GLB1L: variants seen among roughly 807,000 people sequenced by gnomAD.
The protein encoded by GLB1L is beta-galactosidase-1-like protein.
In GLB1L, 58 loss-of-function variants were observed where a neutral mutation model predicts 75.7. That is an observed-to-expected ratio of 0.77 (90% CI 0.62 to 0.95). The LOEUF (loss-of-function observed/expected upper bound fraction) is 0.95. Among genes scored for constraint, GLB1L ranks in the 40% least tolerant of loss-of-function variants. GLB1L has a pLI of 0.00. For synonymous variants in GLB1L, 296 were observed against 303.0 expected (o/e 0.98, Z 0.24); for missense variants, 797 against 805.5 (o/e 0.99, Z 0.13).
chr2:219,237,062 G>A lies in GLB1L; in HGVS notation c.*10C>T, dbSNP rs750562470. The A allele has an allele frequency of 1.8e-5, 28 of 1,593,478 alleles. No individual in the cohort carries two copies. Among genetic ancestry groups the A allele is most frequent in the Middle Eastern group, 1.7e-4 (1 of 6,012 alleles). On this transcript the variant is annotated 3_prime_UTR_variant, in exon 17 of 17. Transcript: ENST00000295759. Reference sequence around the variant, plus strand: ...ATTACAGGCATGAGCCACCATGCCCGGCCTACCTTTCAGTGCCCACTTAAC... The same window carrying A: ...ATTACAGGCATGAGCCACCATGCCCAGCCTACCTTTCAGTGCCCACTTAAC...
In GLB1L at chr2:219,236,626, T is replaced by C; in HGVS notation, c.*446A>G. Reference sequence around the variant, plus strand: ...GGAGCTGGTACTGTCTCTGGAATTTTAATCACAATAAAGTTTGGCAAGGAA... The same window carrying C: ...GGAGCTGGTACTGTCTCTGGAATTTCAATCACAATAAAGTTTGGCAAGGAA... On this transcript the variant is annotated 3_prime_UTR_variant, in exon 17 of 17. Coordinates refer to ENST00000295759, the MANE Select transcript of GLB1L (RefSeq NM_001286423.2). 1 of 805,804 alleles carries C rather than the reference T, an allele frequency of 1.2e-6. No individual in the cohort carries two copies. Among genetic ancestry groups the C allele is most frequent in the Non-Finnish European group, 1.9e-6 (1 of 538,238 alleles). The allele number at this position is 805,804 out of a possible 1,614,324, so 49.9% of individuals were successfully genotyped here.
chr2:219,242,794 G>T lies in GLB1L; in HGVS notation c.364C>A (p.Pro122Thr). The change falls in exon 4 of 17, where the codon CCT becomes ACT. Residue 122 changes from proline (P) to threonine (T), a missense_variant. Physicochemically the swap from Pro to Thr is conservative, Grantham distance 38. Coordinates refer to ENST00000295759, the MANE Select transcript of GLB1L (RefSeq NM_001286423.2). ...ATCTCCCACTCTGCACAGATGTAAG[G>T]TCCTGGTCTCAGTATGACCAACAGG... ...ANLLVILRPG[P>T]YICAEWEMGG... 6.2e-7 allele frequency: 1 copy of T among 1,614,182 alleles called. No homozygotes were observed. Among genetic ancestry groups the T allele is most frequent in the Non-Finnish European group, 8.5e-7 (1 of 1,180,034 alleles).
At chr2:219,244,957 CA>C (rs1364827449) in intron 1 of GLB1L, among the ~76,000 whole-genome samples, 1 of 152,174 alleles carries the variant, frequency 6.6e-6, no homozygotes, top group Non-Finnish European at 1.5e-5. Context: ...TTACAGCTAC[CA>C]AAAGTAAGGA....
intron 3 of GLB1L, 112 bp from the exon 4 acceptor site, chr2:219,243,030 G>A: frequency 1.9e-6 from 3 of 1,548,532 alleles, no homozygotes; most frequent in South Asian, 2.4e-5. Context: ...GTCCTGGCCT[G>A]CCCTTTCCCA....
At chr2:219,238,950 A>G in intron 11 of GLB1L, 142 bp downstream of exon 11, 1 of 832,070 alleles carries the variant, frequency 1.2e-6, no homozygotes, top group Non-Finnish European at 2.0e-6. Context: ...ATTTGGTTGA[A>G]TGGGAAATGC....
Position 219,245,284 on chromosome 2 carries a change from C to T in GLB1L, c.-126G>A, listed in dbSNP as rs1183288641. The T allele has an allele frequency of 2.0e-5, 3 of 152,502 alleles. No homozygotes were observed. Among genetic ancestry groups the T allele is most frequent in the Non-Finnish European group, 2.9e-5 (2 of 68,236 alleles). The allele number at this position is 152,502 out of a possible 1,614,324, so 9.4% of individuals were successfully genotyped here. A position where few individuals can be genotyped will look rare whatever the true frequency, so the allele number is the denominator to read the frequency against. Reference sequence around the variant, plus strand: ...GCCTCGGGCCGAGCCCGGCTTTGCTCCCCTTTGGCGTAGGTGCCTGCGTCT... The same window carrying T: ...GCCTCGGGCCGAGCCCGGCTTTGCTTCCCTTTGGCGTAGGTGCCTGCGTCT... On this transcript the variant is annotated 5_prime_UTR_variant, in exon 1 of 17. Transcript: ENST00000295759.
Position 219,243,120 on chromosome 2 carries a change from C to T in GLB1L, c.239+28G>A, listed in dbSNP as rs745658089. 7.0e-6 allele frequency: 11 copies of T among 1,579,732 alleles called. No individual in the cohort carries two copies. The Admixed American group carries it at 2.0e-4, about 28-fold the overall frequency. ...GCGGTAGAAAAAGTAGATCCCATCC[C>T]TCCGCGGCTCTTGCGAGCACTTCTT... On this transcript the variant is annotated intron_variant, in intron 3 of 16. Coordinates refer to ENST00000295759, the MANE Select transcript of GLB1L (RefSeq NM_001286423.2).
At chr2:219,243,429 T>A in intron 2 of GLB1L, 73 bp downstream of exon 2, 18 of 1,602,804 alleles carry the variant, frequency 1.1e-5, no homozygotes, top group South Asian at 1.1e-4. Context: ...GTTGTTACTT[T>A]GGACTTTCTC....
chr2:219,242,868 T>G lies in GLB1L; in HGVS notation c.290A>C (p.Asn97Thr), dbSNP rs1191976684. The change falls in exon 4 of 17, where the codon AAT becomes ACT. Residue 97 changes from asparagine (N) to threonine (T), a missense_variant. Coordinates refer to ENST00000295759, the MANE Select transcript of GLB1L (RefSeq NM_001286423.2). The part of the protein sequence containing the change: ...HEPQPGVYNF[N>T]GSRDLIAFLN... ...AAAGGCAATGAGGTCCCGGCTGCCA[T>G]TAAAGTTATAGACCCCAGGCTGTGG... 1 of 1,614,192 alleles carries G rather than the reference T, an allele frequency of 6.2e-7. No homozygotes were observed. The highest frequency in any genetic ancestry group is 1.3e-5 in the African/African-American group (1 of 75,030).
rs897994902 is a variant in GLB1L at position 219,240,004 on chromosome 2, T to C, written c.637A>G (p.Ile213Val). The C allele has an allele frequency of 1.9e-6, 3 of 1,614,042 alleles. No homozygotes were observed. Among genetic ancestry groups the C allele is most frequent in the Admixed American group, 1.7e-5 (1 of 60,024 alleles). Reference protein sequence around the residue: ...GLFRALLGEKILLFTTDGPEG... With the variant: ...GLFRALLGEKVLLFTTDGPEG... ...GGCCCATCTGTGGTGAAGAGCAAGA[T>C]CTTTTCTCCTAGCAGTGCACGGAAG... Residue 213 changes from isoleucine (I) to valine (V), a missense_variant, in exon 7 of 17, where the codon ATC (isoleucine) becomes GTC (valine). Coordinates refer to ENST00000295759, the MANE Select transcript of GLB1L (RefSeq NM_001286423.2).
At position 219,239,973 on chromosome 2, in the gene GLB1L, C is replaced by T; in HGVS notation, c.668G>A (p.Gly223Glu). The change falls in exon 7 of 17, where the codon GGA (glycine) becomes GAA (glutamate). Residue 223 changes from glycine (G) to glutamate (E), a missense_variant. Coordinates refer to ENST00000295759, the MANE Select transcript of GLB1L (RefSeq NM_001286423.2). ...TCCCCGGAGGGAGCCACACTTGAGT[C>T]CTTCAGGCCCATCTGTGGTGAAGAG... ...ILLFTTDGPEGLKCGSLRGLY... is the reference protein window; with the variant it reads ...ILLFTTDGPEELKCGSLRGLY... The T allele has an allele frequency of 6.2e-7, 1 of 1,614,104 alleles. No individual in the cohort carries two copies. Among genetic ancestry groups the T allele is most frequent in the South Asian group, 1.1e-5 (1 of 91,076 alleles).
rs945092141 is a variant in GLB1L at position 219,239,266 on chromosome 2, T to C, written c.944-56A>G. On this transcript the variant is annotated intron_variant, in intron 10 of 16. Coordinates refer to ENST00000295759, the MANE Select transcript of GLB1L (RefSeq NM_001286423.2). ...ATGTATTTCAGATGACAGGCACTAC[T>C]AAGCATGCTTCATGCAGAGAATTTT... 3.3e-6 allele frequency: 5 copies of C among 1,511,940 alleles called. No homozygotes were observed. The African/African-American group carries it at 4.1e-5, about 13-fold the overall frequency. 93.7% of individuals were successfully genotyped at this position (1,511,940 alleles called of 1,614,324 possible). A position where few individuals can be genotyped will look rare whatever the true frequency, so the allele number is the denominator to read the frequency against.
rs933472485 is a variant in GLB1L, at chr2:219,239,081, T to C, written c.1062+11A>G. On this transcript the variant is annotated intron_variant, in intron 11 of 16. Coordinates refer to ENST00000295759, the MANE Select transcript of GLB1L (RefSeq NM_001286423.2). ...TAAAAGCCTTTGGAGCTTAATGAAA[T>C]GGTAGGGTACCTTGCTGATGACATC... 5.2e-6 allele frequency: 8 copies of C among 1,548,646 alleles called. No individual in the cohort carries two copies. The highest frequency in any genetic ancestry group is 7.1e-6 in the Non-Finnish European group (8 of 1,125,630).
At chr2:219,238,120 C>A (rs1478815593) in intron 14 of GLB1L, 130 bp downstream of exon 14, 2 of 1,037,728 alleles carry the variant, frequency 1.9e-6, no homozygotes, top group Non-Finnish European at 2.9e-6. Flanking sequence ...TTCCTCATCC[C>A]AGCTTATCCC....
At position 219,238,595 on chromosome 2, in the gene GLB1L, A is replaced by G; in HGVS notation, c.1138-11T>C. On this transcript the variant is annotated splice_polypyrimidine_tract_variant and intron_variant, in intron 12 of 16. Coordinates refer to ENST00000295759, the MANE Select transcript of GLB1L (RefSeq NM_001286423.2). ...CAGTAAATGCCCAACCTATTAGAAT[A>G]AGGGAGAAGAATTAGAATATCAGGG... 1 of 1,610,586 alleles carries G rather than the reference A, an allele frequency of 6.2e-7. No homozygotes were observed. Among genetic ancestry groups the G allele is most frequent in the Non-Finnish European group, 8.5e-7 (1 of 1,177,086 alleles).
Position 219,237,050 on chromosome 2 carries a change from G to A in GLB1L, c.*22C>T, listed in dbSNP as rs1951262289. ...CAAAGTGCTGGGATTACAGGCATGA[G>A]CCACCATGCCCGGCCTACCTTTCAG... On this transcript the variant is annotated 3_prime_UTR_variant, in exon 17 of 17. Transcript: ENST00000295759. The A allele has an allele frequency of 1.3e-6, 2 of 1,563,526 alleles. No individual in the cohort carries two copies. The highest frequency in any genetic ancestry group is 1.1e-5 in the South Asian group (1 of 87,186).
rs1167554925 is a variant in GLB1L, at chr2:219,239,705, TGTGA to T, written c.781-27_781-24del. ...TACCTAGAGTGTGAAATGAAAGGAGTGTGAGTGAGATGGAACTGAGCTGGACCCA... is the reference window on the plus strand; with the variant it reads ...TACCTAGAGTGTGAAATGAAAGGAGTGTGAGATGGAACTGAGCTGGACCCA... On this transcript the variant is annotated intron_variant, in intron 8 of 16. Coordinates refer to ENST00000295759, the MANE Select transcript of GLB1L (RefSeq NM_001286423.2). 3.1e-6 allele frequency: 5 copies of T among 1,613,520 alleles called. No homozygotes were observed. In the Admixed American group the frequency reaches 6.7e-5, roughly 22 times the overall value.
At chr2:219,240,822 T>A (rs1215392558) in intron 5 of GLB1L, among the ~76,000 whole-genome samples, 1 of 152,168 alleles carries the variant, frequency 6.6e-6, no homozygotes, top group Non-Finnish European at 1.5e-5. Context: ...GGCTCACGCC[T>A]GTAATCCCAG....
chr2:219,239,183 G>A lies in GLB1L; in HGVS notation c.971C>T (p.Pro324Leu), dbSNP rs779216284. ...ATCATAGTCATAGCTGGTAGTAATC[G>A]GAAGGAAGCGTCCCTTCTTATCGGC... ...NGADKKGRFL[P>L]ITTSYDYDAP... The change falls in exon 11 of 17, where the codon CCG becomes CTG. Residue 324 changes from proline (P) to leucine (L), a missense_variant. Transcript: ENST00000295759. 9.9e-6 allele frequency: 16 copies of A among 1,613,502 alleles called. No individual in the cohort carries two copies. The highest frequency in any genetic ancestry group is 2.2e-5 in the East Asian group (1 of 44,896).
Sources: allele counts gnomAD v4.1 joint callset (sites outside exome capture counted in the v4.1 genomes callset), GRCh38; gene constraint gnomAD v4.1.1; transcripts MANE v1.5; gene names NCBI Gene and HGNC (gene_info 2026-07-23, HGNC 2026-07-21).